LAMA2: variants seen among roughly 807,000 people sequenced by gnomAD.
LAMA2 encodes laminin subunit alpha-2.
Under a neutral mutation model 364.8 loss-of-function variants are expected in LAMA2, and 269 were observed. The ratio of observed to expected loss-of-function variants is 0.74; its 90% CI spans 0.67 to 0.82. LAMA2 has a LOEUF of 0.82. LAMA2 is among the 40% of genes least tolerant of loss of function. LAMA2 has a pLI of 0.00. For missense variants in LAMA2, 3,807 were observed against 3,873.2 expected (o/e 0.98, Z 0.45); for synonymous variants, 1,379 against 1,370.6 (o/e 1.01, Z -0.14).
intron 4 of LAMA2, among the ~76,000 whole-genome samples, chr6:129,102,130 C>CTTT (rs10713380): frequency 6.1e-5 from 8 of 130,334 alleles, no homozygotes; most frequent in Non-Finnish European, 1.1e-4. Flanking sequence ...TTCTTTCTTT[C>CTTT]TTTTTTTTTT....
chr6:129,469,991 CT>C, intron 51 of LAMA2, among the ~76,000 whole-genome samples: 1 of 151,882 alleles, frequency 6.6e-6, no homozygotes, highest in East Asian at 1.9e-4. Context: ...CATAAAGAAA[CT>C]TCTGGGGTGA....
chr6:128,896,951 G>A (rs1209225726), intron 1 of LAMA2, among the ~76,000 whole-genome samples: 2 of 152,194 alleles, frequency 1.3e-5, no homozygotes, highest in East Asian at 1.9e-4. Context: ...CTAACTATGG[G>A]CCAGCACTGC....
At chr6:129,104,192 C>T (rs186085265) in intron 4 of LAMA2, among the ~76,000 whole-genome samples, 144 of 152,170 alleles carry the variant, frequency 9.5e-4, no homozygotes, top group African/African-American at 3.1e-3. Context: ...GAGACAGGGT[C>T]TTGCTATGTT....
At chr6:129,425,466 T>A (rs1044578467) in intron 40 of LAMA2, among the ~76,000 whole-genome samples, 2 of 152,130 alleles carry the variant, frequency 1.3e-5, no homozygotes, top group Non-Finnish European at 2.9e-5. Context: ...CAAAGGTACA[T>A]GTGCAGGTTT....
intron 1 of LAMA2, among the ~76,000 whole-genome samples, chr6:129,023,389 C>A (rs1408540453): frequency 6.6e-6 from 1 of 152,144 alleles, no homozygotes; most frequent in Non-Finnish European, 1.5e-5. Context: ...TACCAATGTT[C>A]TGAATTCCAT....
At chr6:129,214,225 G>A (rs1783282832) in intron 12 of LAMA2, among the ~76,000 whole-genome samples, 1 of 152,196 alleles carries the variant, frequency 6.6e-6, no homozygotes, top group Admixed American at 6.5e-5. Context: ...TGAGAGTCTT[G>A]TGCTGCATCT....
intron 39 of LAMA2, among the ~76,000 whole-genome samples, chr6:129,403,454 A>G (rs1352922382): frequency 6.6e-6 from 1 of 152,158 alleles, no homozygotes; most frequent in Non-Finnish European, 1.5e-5. Flanking sequence ...CCCCAGAAAG[A>G]TTTTGTGAAA....
intron 2 of LAMA2, among the ~76,000 whole-genome samples, chr6:129,057,548 C>G (rs1050016491): frequency 1.3e-5 from 2 of 152,126 alleles, no homozygotes; most frequent in African/African-American, 4.8e-5. Flanking sequence ...TTTCACAAAT[C>G]GATCACACAT....
chr6:129,380,417 TAAAC>T (rs1471540098), intron 34 of LAMA2, among the ~76,000 whole-genome samples: 3 of 152,182 alleles, frequency 2.0e-5, no homozygotes, highest in African/African-American at 7.2e-5. Context: ...GGATATATGA[TAAAC>T]AAAACAGACC....
chr6:129,263,651 G>A (rs967216821), intron 15 of LAMA2, among the ~76,000 whole-genome samples: 1 of 132,218 alleles, frequency 7.6e-6, no homozygotes, highest in African/African-American at 3.0e-5. Context: ...TAAGAAATGA[G>A]CATTTTATTC....
intron 1 of LAMA2, chr6:128,929,382 G>C: frequency 2.1e-6 from 2 of 967,730 alleles, no homozygotes; most frequent in Non-Finnish European, 3.4e-6. Flanking sequence ...AAGTTCATCA[G>C]TCATGTGAGG....
chr6:129,492,072 C>T lies in LAMA2; in HGVS notation c.8070C>T (p.Asn2690=), dbSNP rs564422670. Residue 2690 remains asparagine (N), a synonymous_variant, in exon 57 of 65, where the codon AAC becomes AAT. Coordinates refer to ENST00000421865, the MANE Select transcript of LAMA2 (RefSeq NM_000426.4). ...GCTGCATATGGAATCTTGTTATTAACTCTGTGTAAGTGGATCTCCTCATTA... is the reference window on the plus strand; with the variant it reads ...GCTGCATATGGAATCTTGTTATTAATTCTGTGTAAGTGGATCTCCTCATTA... The part of the protein sequence containing the change: ...FEGCIWNLVI[N]SVPMDFARPV... 5.0e-6 allele frequency: 8 copies of T among 1,613,242 alleles called. No homozygotes were observed. Among genetic ancestry groups the T allele is most frequent in the African/African-American group, 4.0e-5 (3 of 75,010 alleles).
chr6:129,471,443 A>T (rs1348107423), intron 51 of LAMA2, among the ~76,000 whole-genome samples: 2 of 151,866 alleles, frequency 1.3e-5, no homozygotes, highest in Non-Finnish European at 2.9e-5. Flanking sequence ...ATATTCATTC[A>T]TGGATAAGGA....
chr6:129,113,948 C>T (rs930073551), intron 4 of LAMA2, among the ~76,000 whole-genome samples: 1 of 151,998 alleles, frequency 6.6e-6, no homozygotes, highest in Admixed American at 6.6e-5. Context: ...TGGTGCCTAA[C>T]TTCCTTTCGT....
intron 33 of LAMA2, 48 bp from the exon 34 acceptor site, chr6:129,369,844 C>T (rs1190517359): frequency 6.7e-7 from 1 of 1,487,168 alleles, no homozygotes; most frequent in African/African-American, 1.4e-5. Flanking sequence ...AACACTATCA[C>T]TGCAAGGCCA....
intron 40 of LAMA2, 23 bp from the exon 41 acceptor site, chr6:129,427,729 G>T (rs1042266231): frequency 6.5e-7 from 1 of 1,527,966 alleles, no homozygotes; most frequent in Admixed American, 1.7e-5. Context: ...TTAGATGTAT[G>T]ACATTTGTTT....
intron 31 of LAMA2, among the ~76,000 whole-genome samples, chr6:129,352,142 G>T (rs766349452): frequency 1.3e-5 from 2 of 152,114 alleles, no homozygotes; most frequent in Non-Finnish European, 2.9e-5. Flanking sequence ...TGTCCAATCT[G>T]GGACACTATA....
intron 3 of LAMA2, 80 bp downstream of exon 3, chr6:129,059,976 G>T (rs919487442): frequency 1.3e-6 from 1 of 795,004 alleles, no homozygotes; most frequent in South Asian, 1.4e-5. Context: ...GTGGTTTGTG[G>T]GTGAAAGGAT....
intron 1 of LAMA2, among the ~76,000 whole-genome samples, chr6:129,031,953 G>A (rs1197434176): frequency 6.6e-6 from 1 of 152,114 alleles, no homozygotes; most frequent in East Asian, 1.9e-4. Context: ...CCGAGTAGCT[G>A]GGATTACAGG....
Sources: gnomAD v4.1 joint callset for allele counts (sites outside exome capture counted in the v4.1 genomes callset) on GRCh38, gnomAD v4.1.1 for gene constraint, MANE v1.5 for transcripts, NCBI Gene and HGNC (gene_info 2026-07-23, HGNC 2026-07-21) for gene names.